DUSP29: variants seen among roughly 807,000 people sequenced by gnomAD.
DUSP29 encodes atypical dual-specific protein phosphatase.
Under a neutral mutation model 13.5 loss-of-function variants are expected in DUSP29, and 12 were observed. That is an observed-to-expected ratio of 0.89 (90% CI 0.57 to 1.44). DUSP29 has a LOEUF of 1.44. Among genes scored for constraint, DUSP29 ranks in the 40% most tolerant of loss-of-function variants. The pLI, the probability that DUSP29 is intolerant of heterozygous loss-of-function variation, is 0.00. For synonymous variants in DUSP29, 134 were observed against 128.7 expected (o/e 1.04, Z -0.28); for missense variants, 308 against 301.1 (o/e 1.02, Z -0.17).
At chr10:75,047,988 T>C (rs1846740964) in intron 2 of DUSP29, among the ~76,000 whole-genome samples, 1 of 152,220 alleles carries the variant, frequency 6.6e-6, no homozygotes, top group South Asian at 2.1e-4. Flanking sequence ...TGTGGCAACA[T>C]ATAAGACTTC....
intron 1 of DUSP29, among the ~76,000 whole-genome samples, chr10:75,071,492 G>A (rs947376803): frequency 2.6e-5 from 4 of 152,166 alleles, no homozygotes; most frequent in Non-Finnish European, 5.9e-5. Context: ...CAACAGCCAC[G>A]GGAGTGCCAC....
intron 1 of DUSP29, among the ~76,000 whole-genome samples, chr10:75,064,749 A>G (rs1022743997): frequency 2.6e-5 from 4 of 152,160 alleles, no homozygotes; most frequent in East Asian, 1.9e-4. Context: ...TTGAAACTGT[A>G]ATTTGACACC....
Position 75,037,749 on chromosome 10 carries a change from C to A in DUSP29, c.*87G>T. On this transcript the variant is annotated 3_prime_UTR_variant, in exon 4 of 4. Coordinates refer to ENST00000338487, the MANE Select transcript of DUSP29 (RefSeq NM_001003892.3). The stretch of plus-strand genomic sequence containing the variant: ...TGGAAGAGTCGAGCTTCGGTTTCAC[C>A]ATCCCTTCTCTGGAGTCCTAGGCCA... 1.3e-6 allele frequency: 2 copies of A among 1,507,034 alleles called. No individual in the cohort carries two copies. The highest frequency in any genetic ancestry group is 2.6e-5 in the South Asian group (2 of 76,470). The allele number at this position is 1,507,034 out of a possible 1,614,324, so 93.4% of individuals were successfully genotyped here.
At chr10:75,070,206 G>A (rs1847301267) in intron 1 of DUSP29, among the ~76,000 whole-genome samples, 1 of 152,120 alleles carries the variant, frequency 6.6e-6, no homozygotes, top group South Asian at 2.1e-4. Context: ...TGAGGGTCAG[G>A]GAGGTTAAGA....
At chr10:75,056,485 G>A (rs1012799529) in intron 2 of DUSP29, among the ~76,000 whole-genome samples, 23 of 150,410 alleles carry the variant, frequency 1.5e-4, no homozygotes, top group Non-Finnish European at 1.9e-4. Flanking sequence ...CCGAGATTGC[G>A]CCATTGAGGG....
intron 2 of DUSP29, among the ~76,000 whole-genome samples, chr10:75,048,827 G>A (rs1327903000): frequency 6.6e-6 from 1 of 152,210 alleles, no homozygotes; most frequent in Non-Finnish European, 1.5e-5. Context: ...ACTTGAGGGT[G>A]AAGCTCCTCC....
chr10:75,058,273 G>A (rs774550236), intron 2 of DUSP29, 42 bp downstream of exon 2: 2 of 1,587,328 alleles, frequency 1.3e-6, no homozygotes, highest in Non-Finnish European at 1.7e-6. Context: ...CTGGGGAGGG[G>A]CTGCTGCCTG....
chr10:75,067,595 G>C (rs1847232914), intron 1 of DUSP29, among the ~76,000 whole-genome samples: 1 of 152,174 alleles, frequency 6.6e-6, no homozygotes. Flanking sequence ...GCTTTACCGT[G>C]TATGCCCCTG....
rs549626494 is a variant in DUSP29, at chr10:75,072,776, C to T, written c.-35+793G>A. 2.6e-4 allele frequency among the ~76,000 whole-genome samples: 40 copies of T among 152,168 alleles called. 1 individual carries two copies. In the South Asian group the frequency reaches 7.3e-3, roughly 28 times the overall value. On this transcript the variant is annotated intron_variant, in intron 1 of 3. Transcript: ENST00000338487. ...CGCTTTCCCGAACGATCAGAGCCCCCGGGCCCAACTGTTCTTGGGTTCCAG... is the reference window on the plus strand; with the variant it reads ...CGCTTTCCCGAACGATCAGAGCCCCTGGGCCCAACTGTTCTTGGGTTCCAG...
intron 3 of DUSP29, among the ~76,000 whole-genome samples, chr10:75,039,874 G>C (rs952830478): frequency 1.3e-5 from 2 of 152,164 alleles, no homozygotes; most frequent in African/African-American, 4.8e-5. Context: ...GATAGGGCAA[G>C]AGACCCTTCC....
At chr10:75,065,290 A>G (rs923460842) in intron 1 of DUSP29, among the ~76,000 whole-genome samples, 11 of 152,124 alleles carry the variant, frequency 7.2e-5, no homozygotes, top group African/African-American at 2.7e-4. Flanking sequence ...TCTAAGTAGA[A>G]CCCTTGAGGC....
chr10:75,060,173 A>C (rs1298735907), intron 1 of DUSP29, among the ~76,000 whole-genome samples: 1 of 150,376 alleles, frequency 6.6e-6, no homozygotes, highest in Non-Finnish European at 1.5e-5. Flanking sequence ...AATAATAATA[A>C]TAATACTGAA....
At chr10:75,055,958 A>G (rs75634832) in intron 2 of DUSP29, among the ~76,000 whole-genome samples, 3,619 of 152,238 alleles carry the variant, frequency 0.024, 153 homozygotes, top group African/African-American at 0.082. Context: ...CCCTCAGGCT[A>G]AAGTGCAGTG....
chr10:75,068,865 T>C (rs1386694041), intron 1 of DUSP29, among the ~76,000 whole-genome samples: 4 of 152,172 alleles, frequency 2.6e-5, no homozygotes, highest in Non-Finnish European at 4.4e-5. Context: ...ATGAAGTAAG[T>C]GGATTTTTTT....
chr10:75,040,049 T>G (rs147165998), intron 3 of DUSP29, among the ~76,000 whole-genome samples: 2,592 of 151,922 alleles, frequency 0.017, 29 homozygotes, highest in Non-Finnish European at 0.026. Context: ...GGTGTGGTGG[T>G]GGGCACCTCC....
chr10:75,068,285 A>G (rs867745109), intron 1 of DUSP29, among the ~76,000 whole-genome samples: 1 of 152,200 alleles, frequency 6.6e-6, no homozygotes, highest in Non-Finnish European at 1.5e-5. Flanking sequence ...AGCCTGGGCA[A>G]CATGATGAGA....
intron 2 of DUSP29, among the ~76,000 whole-genome samples, chr10:75,046,684 A>G (rs186035173): frequency 1.2e-3 from 189 of 152,344 alleles, no homozygotes; most frequent in African/African-American, 4.2e-3. Context: ...TAGTGTGGCC[A>G]TTCTGACTGT....
In DUSP29 at chr10:75,037,868, C is replaced by T. The variant is rs368265513; in HGVS notation, c.631G>A (p.Asp211Asn). ...VQQRRRSQRQDGEEEDGREL is the reference protein window; with the variant it reads ...VQQRRRSQRQNGEEEDGREL The stretch of plus-strand genomic sequence containing the variant: ...TCCCTGCCATCCTCCTCCTCACCGT[C>T]CTGGCGCTGGGACCGTCGCCTCTGC... Residue 211 changes from aspartate to asparagine, a missense_variant, in exon 4 of 4, where the codon GAC (aspartate) becomes AAC (asparagine). Physicochemically the swap from Asp to Asn is conservative, Grantham distance 23 (BLOSUM62 1). Coordinates refer to ENST00000338487, the MANE Select transcript of DUSP29 (RefSeq NM_001003892.3). 2.5e-6 allele frequency: 4 copies of T among 1,611,382 alleles called. No homozygotes were observed. The African/African-American group carries it at 4.0e-5, about 16-fold the overall frequency.
chr10:75,039,549 GCTC>G (rs1486966437), intron 3 of DUSP29, among the ~76,000 whole-genome samples: 4 of 152,250 alleles, frequency 2.6e-5, no homozygotes, highest in African/African-American at 9.6e-5. Flanking sequence ...AATCTCTACT[GCTC>G]CTCAATTGCA....
Sources: allele counts gnomAD v4.1 joint callset (sites outside exome capture counted in the v4.1 genomes callset), GRCh38; gene constraint gnomAD v4.1.1; transcripts MANE v1.5; gene names NCBI Gene and HGNC (gene_info 2026-07-23, HGNC 2026-07-21).